The following KIRREL3 variants were observed in gnomAD, a reference collection of about 807,000 sequenced individuals.
KIRREL3 encodes the protein kin of IRRE-like protein 3.
A neutral mutation model predicts 89.7 loss-of-function variants in KIRREL3; 36 were observed. The observed-to-expected ratio is 0.40, with a 90% CI of 0.31 to 0.53. The LOEUF (loss-of-function observed/expected upper bound fraction) is 0.53, where lower values mean the gene tolerates loss of function less well. KIRREL3 is among the 20% of genes least tolerant of loss of function. KIRREL3 has a pLI of 0.49. For missense variants in KIRREL3, 864 were observed against 1,056.6 expected (o/e 0.82, Z 2.53); for synonymous variants, 445 against 441.4 (o/e 1.01, Z -0.10).
intron 1 of KIRREL3, among the ~76,000 whole-genome samples, chr11:126,939,947 C>T (rs1403914650): frequency 6.6e-6 from 1 of 152,076 alleles, no homozygotes; most frequent in Non-Finnish European, 1.5e-5. Flanking sequence ...AAACCCAGTA[C>T]AAATAAAAAT....
rs1357288037 is a variant in KIRREL3, at chr11:126,772,590, C to T, written c.56-209678G>A. Among the ~76,000 whole-genome samples the T allele has an allele frequency of 2.6e-5, 4 of 152,158 alleles. No homozygotes were observed. The highest frequency in any genetic ancestry group is 6.5e-5 in the Admixed American group (1 of 15,274). ...GGGAAGGGCAGATGAGCAGAATCAACGTGGGCAGGAAAGAGCAAAGGCAAG... is the reference window on the plus strand; with the variant it reads ...GGGAAGGGCAGATGAGCAGAATCAATGTGGGCAGGAAAGAGCAAAGGCAAG... On this transcript the variant is annotated intron_variant, in intron 1 of 16. Coordinates refer to ENST00000525144, the MANE Select transcript of KIRREL3 (RefSeq NM_032531.4). The surrounding 1 kb of genome is among the most constrained non-coding windows in gnomAD (Gnocchi z 4.6).
rs1591451792 is a variant in KIRREL3 at position 127,000,574 on chromosome 11, G to A, written c.-65C>T. 6.5e-6 allele frequency: 10 copies of A among 1,528,816 alleles called. No individual in the cohort carries two copies. The highest frequency in any genetic ancestry group is 2.0e-5 in the Admixed American group (1 of 51,170). The allele number at this position is 1,528,816 out of a possible 1,614,324, so 94.7% of individuals were successfully genotyped here. A position where few individuals can be genotyped will look rare whatever the true frequency, so the allele number is the denominator to read the frequency against. On this transcript the variant is annotated 5_prime_UTR_variant, in exon 1 of 17. Transcript: ENST00000525144. This position sits in a 1 kb window ranked among gnomAD's most constrained non-coding sequence, Gnocchi z 7.1. ...CTGTGGTTAGTTTCTCTTCCTTGGC[G>A]GCTCTCGGTGCTCAGCCTCCGCCGG...
Position 126,612,763 on chromosome 11 carries a change from C to T in KIRREL3, c.56-49851G>A, listed in dbSNP as rs2134801714. 6.6e-6 allele frequency among the ~76,000 whole-genome samples: 1 copy of T among 152,314 alleles called. No individual in the cohort carries two copies. The highest frequency in any genetic ancestry group is 2.4e-5 in the African/African-American group (1 of 41,578). ...GTGGCCTTTTGTGTCCGTCTCCTTT[C>T]ACGTAACAAAATGCTTTCAAGGTTC... is the stretch of plus-strand genomic sequence containing the variant. On this transcript the variant is annotated intron_variant, in intron 1 of 16. Coordinates refer to ENST00000525144, the MANE Select transcript of KIRREL3 (RefSeq NM_032531.4). This position sits in a 1 kb window ranked among gnomAD's most constrained non-coding sequence, Gnocchi z 4.5.
chr11:126,851,530 A>G (rs759108328), intron 1 of KIRREL3, among the ~76,000 whole-genome samples: 5 of 151,794 alleles, frequency 3.3e-5, no homozygotes, highest in Admixed American at 6.6e-5. Context: ...GCAATTATCT[A>G]CTCCCCGACT....
intron 1 of KIRREL3, among the ~76,000 whole-genome samples, chr11:126,944,043 C>T (rs1948540963): frequency 6.6e-6 from 1 of 152,112 alleles, no homozygotes; most frequent in Non-Finnish European, 1.5e-5. Flanking sequence ...GGTGCCCTCC[C>T]TACCCGGAAG....
At chr11:126,961,967 T>C (rs2135183870) in intron 1 of KIRREL3, among the ~76,000 whole-genome samples, 1 of 152,254 alleles carries the variant, frequency 6.6e-6, no homozygotes, top group East Asian at 1.9e-4. Context: ...GTTTACTGAA[T>C]ATTTTAAGCC....
intron 1 of KIRREL3, among the ~76,000 whole-genome samples, chr11:126,732,587 G>C (rs1443654781): frequency 3.9e-5 from 6 of 152,234 alleles, no homozygotes; most frequent in Admixed American, 1.3e-4. Context: ...CAGCTGCAGA[G>C]AGACAGTGAG....
chr11:126,472,703 G>GGAGAGAGA (rs56276959), intron 5 of KIRREL3, among the ~76,000 whole-genome samples: 19,734 of 133,994 alleles, frequency 0.15, 1,942 homozygotes, highest in South Asian at 0.23. Flanking sequence ...AGGACATAGA[G>GGAGAGAGA]GAGAGAGAGA....
At position 126,556,364 on chromosome 11, in the gene KIRREL3, G is replaced by T. The variant is rs952326657; in HGVS notation, c.133+6471C>A. Among the ~76,000 whole-genome samples, 4 of 152,168 alleles carry T rather than the reference G, an allele frequency of 2.6e-5. No individual in the cohort carries two copies. In the East Asian group the frequency reaches 7.7e-4, roughly 29 times the overall value. On this transcript the variant is annotated intron_variant, in intron 2 of 16. Transcript: ENST00000525144. ...GGAAGTTATAAAGGAACTTTGGCTG[G>T]GTGCAGAGGCTCCTGTCTGTAATCC...
At position 126,844,076 on chromosome 11, in the gene KIRREL3, G is replaced by A. The variant is rs1272098695; in HGVS notation, c.55+156379C>T. Among the ~76,000 whole-genome samples the A allele has an allele frequency of 5.3e-5, 8 of 152,038 alleles. No homozygotes were observed. Among genetic ancestry groups the A allele is most frequent in the African/African-American group, 1.7e-4 (7 of 41,374 alleles). ...ACTCGCCCTGAATTCTTTCTTGTACGAGATCCAAGAACCCTCTTTTGGAGT... is the reference window on the plus strand; with the variant it reads ...ACTCGCCCTGAATTCTTTCTTGTACAAGATCCAAGAACCCTCTTTTGGAGT... On this transcript the variant is annotated intron_variant, in intron 1 of 16. Coordinates refer to ENST00000525144, the MANE Select transcript of KIRREL3 (RefSeq NM_032531.4). This position sits in a 1 kb window ranked among gnomAD's most constrained non-coding sequence, Gnocchi z 4.8.
Position 126,963,701 on chromosome 11 carries a change from C to T in KIRREL3, c.55+36754G>A, listed in dbSNP as rs555465295. 2.0e-5 allele frequency among the ~76,000 whole-genome samples: 3 copies of T among 152,300 alleles called. No homozygotes were observed. In the East Asian group the frequency reaches 5.8e-4, roughly 29 times the overall value. On this transcript the variant is annotated intron_variant, in intron 1 of 16. Transcript: ENST00000525144. ...ATCTCCTTATACCCCAAAAGGCCTC[C>T]TATACCTCCTACACTTATGAAATGT...
At position 126,948,324 on chromosome 11, in the gene KIRREL3, A is replaced by C. The variant is rs540781595; in HGVS notation, c.55+52131T>G. The stretch of plus-strand genomic sequence containing the variant: ...AAACCTCTTTGGCCTGAACCTGTCC[A>C]ACTTTATAGAGGGATCTCAGTACAA... On this transcript the variant is annotated intron_variant, in intron 1 of 16. Transcript: ENST00000525144. This position sits in a 1 kb window ranked among gnomAD's most constrained non-coding sequence, Gnocchi z 4.5. Among the ~76,000 whole-genome samples the C allele has an allele frequency of 1.7e-3, 254 of 152,258 alleles. 9 individuals are homozygous for C. The South Asian group carries it at 0.05, about 30-fold the overall frequency.
At chr11:126,482,371 G>T (rs186560986) in intron 4 of KIRREL3, among the ~76,000 whole-genome samples, 153 of 152,312 alleles carry the variant, frequency 1.0e-3, no homozygotes, top group African/African-American at 3.5e-3. Flanking sequence ...TAACTTGAAG[G>T]TCGGGCAGCT....
intron 1 of KIRREL3, among the ~76,000 whole-genome samples, chr11:126,913,412 G>T (rs1946904167): frequency 6.6e-6 from 1 of 152,204 alleles, no homozygotes; most frequent in Non-Finnish European, 1.5e-5. Context: ...GATTGCTGAA[G>T]GGTGTCTGAC....
intron 1 of KIRREL3, among the ~76,000 whole-genome samples, chr11:126,604,146 A>G (rs1942784811): frequency 1.3e-5 from 2 of 152,174 alleles, no homozygotes; most frequent in South Asian, 2.1e-4. Context: ...GGCTGTGGAA[A>G]TCAAAGATGA....
At position 126,783,055 on chromosome 11, in the gene KIRREL3, C is replaced by T. The variant is rs1256948338; in HGVS notation, c.55+217400G>A. ...TGCTAGTTTCCTAGAGATGTCATAA[C>T]AAATAACTACAACTGGGTGGCTAAG... On this transcript the variant is annotated intron_variant, in intron 1 of 16. Coordinates refer to ENST00000525144, the MANE Select transcript of KIRREL3 (RefSeq NM_032531.4). This position sits in a 1 kb window ranked among gnomAD's most constrained non-coding sequence, Gnocchi z 4.3. Among the ~76,000 whole-genome samples the T allele has an allele frequency of 6.6e-6, 1 of 152,134 alleles. No homozygotes were observed. The highest frequency in any genetic ancestry group is 2.4e-5 in the African/African-American group (1 of 41,426).
Position 126,682,054 on chromosome 11 carries a change from A to G in KIRREL3, c.56-119142T>C, listed in dbSNP as rs1565646266. 1 of 351,200 alleles carries G rather than the reference A, an allele frequency of 2.8e-6. No individual in the cohort carries two copies. The highest frequency in any genetic ancestry group is 5.6e-6 in the Non-Finnish European group (1 of 177,676). 21.8% of individuals were successfully genotyped at this position (351,200 alleles called of 1,614,324 possible). The stretch of plus-strand genomic sequence containing the variant: ...TATTCATTTCCAGATTTAAAGTTCT[A>G]TGTTGTATTTTATTTGATGCAAAGC... On this transcript the variant is annotated intron_variant, in intron 1 of 16. Transcript: ENST00000525144. This position sits in a 1 kb window ranked among gnomAD's most constrained non-coding sequence, Gnocchi z 4.8.
At chr11:126,968,190 T>C (rs752312426) in intron 1 of KIRREL3, among the ~76,000 whole-genome samples, 1 of 152,242 alleles carries the variant, frequency 6.6e-6, no homozygotes, top group Non-Finnish European at 1.5e-5. Context: ...CTTCTTTACA[T>C]AATTACAAGC....
At position 126,854,546 on chromosome 11, in the gene KIRREL3, C is replaced by T. The variant is rs527467490; in HGVS notation, c.55+145909G>A. 2.4e-4 allele frequency among the ~76,000 whole-genome samples: 37 copies of T among 152,278 alleles called. 1 individual carries two copies. The highest frequency in any genetic ancestry group is 8.2e-4 in the African/African-American group (34 of 41,552). On this transcript the variant is annotated intron_variant, in intron 1 of 16. Transcript: ENST00000525144. ...AGGTTCATCCATGTTGTAGCATGGG[C>T]CAGAATTTCCTTCCTTTTTAAAGCT... is the stretch of plus-strand genomic sequence containing the variant.
Sources: gnomAD v4.1 joint callset for allele counts (sites outside exome capture counted in the v4.1 genomes callset) on GRCh38, gnomAD v4.1.1 for gene constraint, Gnocchi (gnomAD v3.1) non-coding constraint, MANE v1.5 for transcripts, NCBI Gene and HGNC (gene_info 2026-07-23, HGNC 2026-07-21) for gene names.